RPL6: variants seen among roughly 807,000 people sequenced by gnomAD.
The protein encoded by RPL6 is ribosomal protein L6.
A neutral mutation model predicts 32.1 loss-of-function variants in RPL6; 1 was observed. The observed-to-expected ratio is 0.03, with a 90% confidence interval of 0.01 to 0.15. The LOEUF is 0.15. RPL6 is among the 10% of genes least tolerant of loss of function. The pLI is 1.00. For synonymous variants in RPL6, 126 were observed against 131.6 expected, an observed-to-expected ratio of 0.96 and a Z score of 0.29; for missense variants, 275 against 354.6, an observed-to-expected ratio of 0.78 and a Z score of 1.80.
rs2037184511 is a variant in RPL6, at chr12:112,406,826, C to T, written c.401G>A (p.Ser134Asn). 1.9e-6 allele frequency: 3 copies of T among 1,614,074 alleles called. No individual in the cohort carries two copies. The highest frequency in any genetic ancestry group is 2.5e-6 in the Non-Finnish European group (3 of 1,180,044). The change falls in exon 4 of 7, where the codon AGT becomes AAT. Residue 134 changes from serine (S) to asparagine (N), a missense_variant. Transcript: ENST00000202773. The part of the protein sequence containing the change: ...KLLSHGKKPF[S>N]QHVRKLRASI... ...GGCTCGCAGTTTTCTCACGTGCTGA[C>T]TGAAGGGTTTTTTGCCGTGGCTCAA...
At chr12:112,411,930 A>G (rs1346278608), upstream of RPL6, among the ~76,000 whole-genome samples, 2 of 150,170 alleles carry the variant, frequency 1.3e-5, no homozygotes, top group Non-Finnish European at 2.9e-5. Flanking sequence ...CCCAGGCTGG[A>G]GTGCAGTGCC....
At chr12:112,406,656 A>G in intron 4 of RPL6, 91 bp downstream of exon 4, 3 of 1,500,378 alleles carry the variant, frequency 2.0e-6, no homozygotes, top group Non-Finnish European at 2.7e-6. Context: ...ACATAGGTAA[A>G]TAAAGGAAAA....
rs1327002941 is a variant in RPL6 at position 112,416,135 on chromosome 12, T to C, written c.-229+2593A>G. On this transcript the variant is annotated intron_variant, in intron 1 of 5. Coordinates refer to the RPL6 transcript ENST00000551291. ...CACTGCACCCAGCTAAATTTTGTAT[T>C]TTTTTTTTTTTTTTTTTTTTTTGAG... is the stretch of plus-strand genomic sequence containing the variant. 2.7e-4 allele frequency among the ~76,000 whole-genome samples: 25 copies of C among 90,936 alleles called. No individual in the cohort carries two copies. The East Asian group carries it at 4.6e-3, about 17-fold the overall frequency. 59.7% of individuals were successfully genotyped at this position (90,936 alleles called of 152,430 possible). A position where few individuals can be genotyped will look rare whatever the true frequency, so the allele number is the denominator to read the frequency against.
chr12:112,416,385 C>T lies in RPL6; in HGVS notation c.-229+2343G>A, dbSNP rs867663648. 5.4e-4 allele frequency among the ~76,000 whole-genome samples: 82 copies of T among 152,092 alleles called. 1 individual carries two copies. The highest frequency in any genetic ancestry group is 1.8e-3 in the African/African-American group (76 of 41,492). ...CGATCTCCTGACCTCGTGATCCGCC[C>T]GCCTCAGCCTCCCAAAGTGCTGGGA... On this transcript the variant is annotated intron_variant, in intron 1 of 5. Coordinates refer to the RPL6 transcript ENST00000551291.
At chr12:112,405,546 T>A in intron 6 of RPL6, 170 bp from the exon 7 acceptor site, 1 of 729,398 alleles carries the variant, frequency 1.4e-6, no homozygotes. Context: ...ACCCATTTTT[T>A]AATGTAATAA....
At position 112,406,736 on chromosome 12, in the gene RPL6, G is replaced by A; in HGVS notation, c.480+11C>T. On this transcript the variant is annotated intron_variant, in intron 4 of 6. Coordinates refer to ENST00000202773, the MANE Select transcript of RPL6 (RefSeq NM_000970.6). ...GCTGCAGTGAAGCGCCCCAAGCACAGGTACTCTCACCTTGCCCCTGTGGCG... is the reference window on the plus strand; with the variant it reads ...GCTGCAGTGAAGCGCCCCAAGCACAAGTACTCTCACCTTGCCCCTGTGGCG... The A allele has an allele frequency of 6.2e-7, 1 of 1,613,992 alleles. No individual in the cohort carries two copies. The highest frequency in any genetic ancestry group is 8.5e-7 in the Non-Finnish European group (1 of 1,179,990).
chr12:112,418,816 C>T (rs375766559), exon 1 of RPL6: 25 of 471,700 alleles, frequency 5.3e-5, no homozygotes, highest in African/African-American at 4.5e-4. Context: ...CCATTCCCGG[C>T]CGTCGCTCGG....
intron 1 of RPL6, chr12:112,409,256 C>T: frequency 2.6e-6 from 1 of 386,654 alleles, no homozygotes; most frequent in South Asian, 1.4e-4. Context: ...CAGTGTCATC[C>T]TCTGGAACCC....
chr12:112,410,962 T>G (rs1434218587), upstream of RPL6, among the ~76,000 whole-genome samples: 1 of 152,196 alleles, frequency 6.6e-6, no homozygotes, highest in Non-Finnish European at 1.5e-5. Context: ...CTGCTAAAGT[T>G]TATGCATGGG....
chr12:112,405,746 C>A, intron 6 of RPL6, 107 bp downstream of exon 6: 1 of 910,916 alleles, frequency 1.1e-6, no homozygotes. Context: ...TCCCAGCATT[C>A]CTCATTATTT....
chr12:112,405,420 A>G, intron 6 of RPL6, 44 bp from the exon 7 acceptor site: 1 of 1,592,956 alleles, frequency 6.3e-7, no homozygotes, highest in Non-Finnish European at 8.6e-7. Context: ...GGCACATACC[A>G]AATTACTTGT....
In RPL6 at chr12:112,406,908, A is replaced by T; in HGVS notation, c.337-18T>A. ...TATCTAGGCTGTGGAGAGTCCATAG[A>T]TCCAACTTATTTAAATAAGCCATTC... On this transcript the variant is annotated intron_variant, in intron 3 of 6. Transcript: ENST00000202773. 1 of 1,613,160 alleles carries T rather than the reference A, an allele frequency of 6.2e-7. No homozygotes were observed. The highest frequency in any genetic ancestry group is 8.5e-7 in the Non-Finnish European group (1 of 1,179,462).
At chr12:112,406,193 A>G (rs2135794553) in intron 5 of RPL6, 101 bp downstream of exon 5, 1 of 1,221,814 alleles carries the variant, frequency 8.2e-7, no homozygotes, top group African/African-American at 1.5e-5. Flanking sequence ...CACTTGTGGC[A>G]ATAAGTGTCT....
At position 112,408,352 on chromosome 12, in the gene RPL6, A is replaced by G; in HGVS notation, c.238-14T>C. The G allele has an allele frequency of 3.7e-6, 6 of 1,613,868 alleles. No individual in the cohort carries two copies. Among genetic ancestry groups the G allele is most frequent in the Non-Finnish European group, 5.1e-6 (6 of 1,179,772 alleles). On this transcript the variant is annotated splice_polypyrimidine_tract_variant and intron_variant, in intron 2 of 6. Transcript: ENST00000202773. ...TTTCTTTTCAACCTACAAGGACACA[A>G]ATGCATCAACAGTAAGAGAATGCCA...
At chr12:112,414,369 G>A (rs557149676), upstream of RPL6, among the ~76,000 whole-genome samples, 26 of 152,342 alleles carry the variant, frequency 1.7e-4, no homozygotes, top group African/African-American at 6.0e-4. Flanking sequence ...GCTGCAGAGT[G>A]TGCAGAATAT....
chr12:112,417,544 G>C (rs112454444), intron 1 of RPL6, among the ~76,000 whole-genome samples: 7,279 of 135,916 alleles, frequency 0.054, 429 homozygotes, highest in African/African-American at 0.16. Context: ...TAATACTTCC[G>C]TACCACCCGG....
upstream of RPL6, among the ~76,000 whole-genome samples, chr12:112,412,141 G>A (rs983915366): frequency 3.3e-5 from 5 of 152,024 alleles, no homozygotes; most frequent in African/African-American, 7.2e-5. Flanking sequence ...CCGGGTTCAC[G>A]CCATTCTCCT....
At chr12:112,409,080 C>T (rs567495117) in intron 1 of RPL6, 10 of 236,664 alleles carry the variant, frequency 4.2e-5, no homozygotes, top group African/African-American at 1.6e-4. Flanking sequence ...ACCAGTGTCT[C>T]TTTTCAAGAA....
At chr12:112,412,052 T>A (rs1288880894), upstream of RPL6, among the ~76,000 whole-genome samples, 1 of 151,636 alleles carries the variant, frequency 6.6e-6, no homozygotes, top group Non-Finnish European at 1.5e-5. Flanking sequence ...GCTAATTTTT[T>A]TTTTTGAAAC....
Sources: allele counts gnomAD v4.1 joint callset (sites outside exome capture counted in the v4.1 genomes callset), GRCh38; gene constraint gnomAD v4.1.1; transcripts MANE v1.5; gene names NCBI Gene and HGNC (gene_info 2026-07-23, HGNC 2026-07-21).